The following CSNK1G1 variants were observed in gnomAD, a reference collection of about 807,000 sequenced individuals.
The protein encoded by CSNK1G1 is casein kinase I isoform gamma-1.
Under a neutral mutation model 59.6 loss-of-function variants are expected in CSNK1G1, and 22 were observed. The observed-to-expected ratio is 0.37, with a 90% CI of 0.26 to 0.53. The LOEUF (loss-of-function observed/expected upper bound fraction) is 0.53, where lower values mean the gene tolerates loss of function less well. Among genes scored for constraint, CSNK1G1 ranks in the 20% least tolerant of loss-of-function variants. CSNK1G1 has a pLI of 0.89. For synonymous variants in CSNK1G1, 179 were observed against 177.1 expected (o/e 1.01, Z -0.08); for missense variants, 384 against 519.5 (o/e 0.74, Z 2.54).
chr15:64,335,614 T>C (rs1374727194), intron 1 of CSNK1G1, among the ~76,000 whole-genome samples: 1 of 152,222 alleles, frequency 6.6e-6, no homozygotes, highest in Non-Finnish European at 1.5e-5. Flanking sequence ...TTGTGATTGA[T>C]GATTTGAATT....
chr15:64,293,557 A>C (rs1277737461), intron 2 of CSNK1G1, among the ~76,000 whole-genome samples: 2 of 152,242 alleles, frequency 1.3e-5, no homozygotes, highest in Non-Finnish European at 2.9e-5. Context: ...TTGCAAACGT[A>C]CATATCCTTT....
At chr15:64,301,664 G>T (rs1379663526) in intron 1 of CSNK1G1, among the ~76,000 whole-genome samples, 1 of 152,212 alleles carries the variant, frequency 6.6e-6, no homozygotes, top group Non-Finnish European at 1.5e-5. Context: ...AAGGCAGGCA[G>T]ATCACCTGAG....
At chr15:64,295,187 A>G (rs536206893) in intron 2 of CSNK1G1, among the ~76,000 whole-genome samples, 1 of 152,090 alleles carries the variant, frequency 6.6e-6, no homozygotes, top group African/African-American at 2.4e-5. Context: ...TGCCTTCCCA[A>G]CCACTCTCCC....
At chr15:64,324,729 A>G (rs558047520) in intron 1 of CSNK1G1, among the ~76,000 whole-genome samples, 1 of 152,320 alleles carries the variant, frequency 6.6e-6, no homozygotes, top group South Asian at 2.1e-4. Flanking sequence ...CATATATTCT[A>G]TTAGTTCTGT....
chr15:64,344,514 G>C (rs1031041219), intron 1 of CSNK1G1, among the ~76,000 whole-genome samples: 1 of 152,140 alleles, frequency 6.6e-6, no homozygotes, highest in East Asian at 1.9e-4. Flanking sequence ...TAAATTGGCT[G>C]ATTTCTATCT....
chr15:64,203,188 G>T lies in CSNK1G1; in HGVS notation c.1001C>A (p.Pro334His). The change falls in exon 10 of 12, where the codon CCT becomes CAT. Residue 334 changes from proline to histidine, a missense_variant and splice_region_variant. Pro to His is a moderately conservative substitution (Grantham distance 77). Transcript: ENST00000303052. ...YAYDWVGRPI[P>H]TPVGSVHVDS... ...TACGTGAACTGACCCTACTGGAGTA[G>T]GCTAGAAAAATGAAACAAAAAGTCA... is the stretch of plus-strand genomic sequence containing the variant. 6.2e-7 allele frequency: 1 copy of T among 1,611,814 alleles called. No individual in the cohort carries two copies. The highest frequency in any genetic ancestry group is 8.5e-7 in the Non-Finnish European group (1 of 1,178,036).
At chr15:64,306,491 C>T (rs1895691174) in intron 1 of CSNK1G1, among the ~76,000 whole-genome samples, 2 of 152,112 alleles carry the variant, frequency 1.3e-5, no homozygotes, top group Admixed American at 1.3e-4. Context: ...ACATCAAATG[C>T]TAAGGAAGAT....
chr15:64,346,474 T>C (rs192891902), intron 1 of CSNK1G1, among the ~76,000 whole-genome samples: 1 of 142,874 alleles, frequency 7.0e-6, no homozygotes, highest in Non-Finnish European at 1.5e-5. Context: ...TTATTTATTT[T>C]GAGACATAGG....
At chr15:64,330,344 A>G (rs1897055377) in intron 1 of CSNK1G1, among the ~76,000 whole-genome samples, 1 of 149,654 alleles carries the variant, frequency 6.7e-6, no homozygotes, top group Non-Finnish European at 1.5e-5. Context: ...AGTGGGCTTC[A>G]TCCCTGGGAT....
rs2081611798 is a variant in CSNK1G1, at chr15:64,167,172, T to A, written c.*4759A>T. On this transcript the variant is annotated 3_prime_UTR_variant, in exon 12 of 12. Coordinates refer to ENST00000303052, the MANE Select transcript of CSNK1G1 (RefSeq NM_022048.5). ...CCTGCAAAAGGAGTTAGGAAAAACATTTTTAAGACTGCTTGCTGGACAAAA... is the reference window on the plus strand; with the variant it reads ...CCTGCAAAAGGAGTTAGGAAAAACAATTTTAAGACTGCTTGCTGGACAAAA... The A allele has an allele frequency of 6.6e-6, 1 of 152,216 alleles. No homozygotes were observed. Among genetic ancestry groups the A allele is most frequent in the African/African-American group, 2.4e-5 (1 of 41,442 alleles). The allele number at this position is 152,216 out of a possible 1,614,324, so 9.4% of individuals were successfully genotyped here.
chr15:64,229,902 ATTTT>A lies in CSNK1G1; in HGVS notation c.293-13193_293-13190del, dbSNP rs533868270. Among the ~76,000 whole-genome samples the A allele has an allele frequency of 6.4e-3, 278 of 43,760 alleles. 6 individuals are homozygous for A. Among genetic ancestry groups the A allele is most frequent in the Middle Eastern group, 0.029 (1 of 34 alleles). 28.7% of individuals were successfully genotyped at this position (43,760 alleles called of 152,430 possible). On this transcript the variant is annotated intron_variant, in intron 4 of 11. Transcript: ENST00000303052. ...CCTATATTTTTGGGCATGTTTGTAA[ATTTT>A]TTTTTTTTTTTTTTTTTTTTTTTTT...
In CSNK1G1 at chr15:64,300,646, G is replaced by C; in HGVS notation, c.-147C>G. 7.7e-7 allele frequency: 1 copy of C among 1,299,890 alleles called. No homozygotes were observed. The highest frequency in any genetic ancestry group is 9.8e-7 in the Non-Finnish European group (1 of 1,020,088). 80.5% of individuals were successfully genotyped at this position (1,299,890 alleles called of 1,614,324 possible). A position where few individuals can be genotyped will look rare whatever the true frequency, so the allele number is the denominator to read the frequency against. On this transcript the variant is annotated 5_prime_UTR_variant, in exon 2 of 12. Transcript: ENST00000303052. ...CCATATTTGTTTGTAATGTATCTCCGGGAGATGAAAAACCATTTATTTGTT... is the reference window on the plus strand; with the variant it reads ...CCATATTTGTTTGTAATGTATCTCCCGGAGATGAAAAACCATTTATTTGTT...
intron 4 of CSNK1G1, among the ~76,000 whole-genome samples, chr15:64,229,018 C>CAAAAA (rs1218085247): frequency 2.0e-4 from 13 of 65,832 alleles, no homozygotes; most frequent in African/African-American, 3.1e-4. Context: ...GACTCTGTCT[C>CAAAAA]AAAAAAAAAA....
chr15:64,313,360 T>C (rs1896093947), intron 1 of CSNK1G1, among the ~76,000 whole-genome samples: 1 of 152,138 alleles, frequency 6.6e-6, no homozygotes, highest in Admixed American at 6.6e-5. Flanking sequence ...CCAATGTCCA[T>C]CAATGATAGA....
At chr15:64,236,314 T>C (rs554917780) in intron 4 of CSNK1G1, among the ~76,000 whole-genome samples, 1 of 152,232 alleles carries the variant, frequency 6.6e-6, no homozygotes, top group African/African-American at 2.4e-5. Flanking sequence ...AGGCTATCCA[T>C]TCATACTTTT....
intron 10 of CSNK1G1, among the ~76,000 whole-genome samples, chr15:64,185,817 G>A (rs1007120714): frequency 8.8e-5 from 13 of 147,430 alleles, no homozygotes; most frequent in African/African-American, 2.8e-4. Flanking sequence ...AGCCAAGATC[G>A]CGCTACTGCA....
chr15:64,274,882 C>G (rs1221917011), intron 2 of CSNK1G1, among the ~76,000 whole-genome samples: 1 of 152,132 alleles, frequency 6.6e-6, no homozygotes, highest in African/African-American at 2.4e-5. Flanking sequence ...GAAAATAGTA[C>G]ATGTATAAAT....
chr15:64,317,905 T>C (rs1212745828), intron 1 of CSNK1G1, among the ~76,000 whole-genome samples: 1 of 152,208 alleles, frequency 6.6e-6, no homozygotes, highest in African/African-American at 2.4e-5. Flanking sequence ...TGGTAAATAA[T>C]ACCAGTTTCT....
Position 64,213,877 on chromosome 15 carries a change from G to GT in CSNK1G1, c.679+12_679+13insA. 2.5e-6 allele frequency: 4 copies of GT among 1,583,658 alleles called. No individual in the cohort carries two copies. The highest frequency in any genetic ancestry group is 3.5e-6 in the Non-Finnish European group (4 of 1,152,630). ...AATGACTCGCCCCTTTCATGGAACA[G>GT]AAAAAAACACACCTTTGCCAAGATG... On this transcript the variant is annotated intron_variant, in intron 6 of 11. Transcript: ENST00000303052.
Sources: gnomAD v4.1 joint callset for allele counts (sites outside exome capture counted in the v4.1 genomes callset) on GRCh38, gnomAD v4.1.1 for gene constraint, MANE v1.5 for transcripts, NCBI Gene and HGNC (gene_info 2026-07-23, HGNC 2026-07-21) for gene names.